Variants in PCDHGA6 observed in about 807,000 individuals in gnomAD.
PCDHGA6 encodes the protein protocadherin gamma subfamily A, 6.
In PCDHGA6, 41 loss-of-function variants were observed where a neutral mutation model predicts 60.6. That is an observed-to-expected ratio of 0.68 (90% confidence interval 0.53 to 0.88). The LOEUF (loss-of-function observed/expected upper bound fraction) is 0.88, where lower values mean the gene tolerates loss of function less well. Ranked by LOEUF, PCDHGA6 falls within the 40% of genes least tolerant of loss-of-function variation. PCDHGA6 has a pLI of 0.00. For synonymous variants in PCDHGA6, 594 were observed against 524.4 expected (o/e 1.13, Z -1.81); for missense variants, 1,312 against 1,203.0 (o/e 1.09, Z -1.34).
intron 1 of PCDHGA6, chr5:141,421,579 T>G (rs753573473): frequency 1.9e-6 from 3 of 1,613,816 alleles, no homozygotes; most frequent in Non-Finnish European, 2.5e-6. Context: ...CTTGAAGATT[T>G]ACGGAGTGGA....
At position 141,498,971 on chromosome 5, in the gene PCDHGA6, G is replaced by GGGAAGGAAGGAA. The variant is rs201769957; in HGVS notation, c.2483+4152_2483+4163dup. On this transcript the variant is annotated intron_variant, in intron 2 of 3. Coordinates refer to ENST00000517434, the MANE Select transcript of PCDHGA6 (RefSeq NM_018919.3). ...AAAAAGAGAGAGAGGGAGGGAGGGA[G>GGGAAGGAAGGAA]GGAAGGAAGGAAGGAAGGAAGGAAG... 6.8e-3 allele frequency among the ~76,000 whole-genome samples: 758 copies of GGGAAGGAAGGAA among 111,036 alleles called. 12 individuals are homozygous for GGGAAGGAAGGAA. Among genetic ancestry groups the GGGAAGGAAGGAA allele is most frequent in the African/African-American group, 0.021 (585 of 27,816 alleles). 72.8% of individuals were successfully genotyped at this position (111,036 alleles called of 152,430 possible). A position where few individuals can be genotyped will look rare whatever the true frequency, so the allele number is the denominator to read the frequency against.
intron 1 of PCDHGA6, among the ~76,000 whole-genome samples, chr5:141,449,298 T>C (rs1197693931): frequency 6.6e-6 from 1 of 152,058 alleles, no homozygotes; most frequent in Non-Finnish European, 1.5e-5. Flanking sequence ...CCGGGTGAAT[T>C]ATATGTATTA....
At chr5:141,435,919 T>C (rs2097786247) in intron 1 of PCDHGA6, among the ~76,000 whole-genome samples, 2 of 152,148 alleles carry the variant, frequency 1.3e-5, no homozygotes, top group South Asian at 4.1e-4. Flanking sequence ...GGCTCTAAAA[T>C]GCGGCAGTTG....
Position 141,405,419 on chromosome 5 carries a change from TTTG to T in PCDHGA6, c.2424+28915_2424+28917del, listed in dbSNP as rs372094745. On this transcript the variant is annotated intron_variant, in intron 1 of 3. Transcript: ENST00000517434. ...CTTTCTTTCTTTTCTTTTTTTGTTT[TTTG>T]TTTTGTTTTGTTTTTGAGACAGAGT... The T allele has an allele frequency of 6.8e-4, 1,019 of 1,509,010 alleles. 10 individuals are homozygous for T. In the African/African-American group the frequency reaches 0.012, roughly 18 times the overall value. The allele number at this position is 1,509,010 out of a possible 1,614,324, so 93.5% of individuals were successfully genotyped here.
Position 141,419,293 on chromosome 5 carries a change from C to A in PCDHGA6, c.2424+42786C>A, listed in dbSNP as rs748856660. 1.5e-5 allele frequency: 25 copies of A among 1,614,026 alleles called. No individual in the cohort carries two copies. The African/African-American group carries it at 3.2e-4, about 21-fold the overall frequency. Reference sequence around the variant, plus strand: ...CCATAGCGCAAGTCAGTGCCTCTGACCCAGACTTCGGGCTCAACGGCCGTG... The same window carrying A: ...CCATAGCGCAAGTCAGTGCCTCTGAACCAGACTTCGGGCTCAACGGCCGTG... On this transcript the variant is annotated intron_variant, in intron 1 of 3. Transcript: ENST00000517434.
In PCDHGA6 at chr5:141,472,879, G is replaced by A. The variant is rs541980402; in HGVS notation, c.2425-21928G>A. Among the ~76,000 whole-genome samples the A allele has an allele frequency of 3.3e-5, 5 of 151,694 alleles. No homozygotes were observed. The South Asian group carries it at 6.2e-4, about 19-fold the overall frequency. ...CACATGCCTGTATTCCCAGCTACTC[G>A]GGAGGCTGAGGCAGGAGAATTGCTT... On this transcript the variant is annotated intron_variant, in intron 1 of 3. Coordinates refer to ENST00000517434, the MANE Select transcript of PCDHGA6 (RefSeq NM_018919.3).
At chr5:141,420,250 A>G (rs757203976) in intron 1 of PCDHGA6, 2 of 1,578,784 alleles carry the variant, frequency 1.3e-6, no homozygotes, top group South Asian at 1.2e-5. Context: ...CCAGCGTTGA[A>G]GCAGATAAGA....
rs768767029 is a variant in PCDHGA6, at chr5:141,477,838, G to A, written c.2425-16969G>A. The A allele has an allele frequency of 6.2e-7, 1 of 1,612,892 alleles. No individual in the cohort carries two copies. The highest frequency in any genetic ancestry group is 1.1e-5 in the South Asian group (1 of 90,982). ...AGGTCCTATATCCTCGGCCAGGTGG[G>A]AGCTCGGTGGAGATGCTGCCTCGAG... On this transcript the variant is annotated intron_variant, in intron 1 of 3. Transcript: ENST00000517434. This position sits in a 1 kb window ranked among gnomAD's most constrained non-coding sequence, Gnocchi z 4.9.
intron 1 of PCDHGA6, among the ~76,000 whole-genome samples, chr5:141,438,606 A>G: frequency 3.6e-5 from 1 of 27,780 alleles, no homozygotes; most frequent in African/African-American, 2.7e-4. Flanking sequence ...ATATATATAT[A>G]TATATATATA....
chr5:141,456,390 T>G (rs1007800936), intron 1 of PCDHGA6, among the ~76,000 whole-genome samples: 2 of 152,114 alleles, frequency 1.3e-5, no homozygotes, highest in African/African-American at 4.8e-5. Context: ...CGTTTGGAGT[T>G]TGATTGCTTC....
chr5:141,504,550 G>A (rs944574179), intron 2 of PCDHGA6, among the ~76,000 whole-genome samples: 2 of 151,586 alleles, frequency 1.3e-5, no homozygotes, highest in Non-Finnish European at 2.9e-5. Context: ...GCAAATGTTG[G>A]GGGACTGGCA....
In PCDHGA6 at chr5:141,375,370, A is replaced by T. The variant is rs772477616; in HGVS notation, c.1287A>T (p.Thr429=). ...CTGTGACAGCCACGGACAAAGGAAC[A>T]CCACCTCTGTCTACAGAAACAATCA... ...NITVTATDKG[T]PPLSTETIIS... is the part of the protein sequence containing the mutation. Residue 429 remains threonine, a synonymous_variant, in exon 1 of 4, where the codon ACA becomes ACT. Transcript: ENST00000517434. The T allele has an allele frequency of 2.5e-6, 4 of 1,613,890 alleles. No individual in the cohort carries two copies. In the South Asian group the frequency reaches 4.4e-5, roughly 18 times the overall value.
chr5:141,505,317 G>A, intron 2 of PCDHGA6, 76 bp from the exon 3 acceptor site: 1 of 1,603,092 alleles, frequency 6.2e-7, no homozygotes, highest in Non-Finnish European at 8.5e-7. Flanking sequence ...AGGTTTGGGA[G>A]CCCTGGGAGA....
intron 1 of PCDHGA6, among the ~76,000 whole-genome samples, chr5:141,445,814 T>C (rs1554133709): frequency 6.6e-6 from 1 of 152,182 alleles, no homozygotes; most frequent in Non-Finnish European, 1.5e-5. Context: ...TAGATGAAAC[T>C]AATAAGGCAG....
chr5:141,418,677 T>A (rs1717013168), intron 1 of PCDHGA6: 1 of 1,613,930 alleles, frequency 6.2e-7, no homozygotes, highest in African/African-American at 1.3e-5. Flanking sequence ...GACGAGGGCA[T>A]CAACTCAGAG....
At chr5:141,399,075 A>C (rs759361503) in intron 1 of PCDHGA6, 1 of 1,613,868 alleles carries the variant, frequency 6.2e-7, no homozygotes, top group Non-Finnish European at 8.5e-7. Flanking sequence ...TGGTTGTAGA[A>C]GGGAGGGATG....
rs374200575 is a variant in PCDHGA6 at position 141,432,105 on chromosome 5, C to G, written c.2424+55598C>G. On this transcript the variant is annotated intron_variant, in intron 1 of 3. Transcript: ENST00000517434. This position sits in a 1 kb window ranked among gnomAD's most constrained non-coding sequence, Gnocchi z 6.0. The stretch of plus-strand genomic sequence containing the variant: ...AACGTGGCAGACACCAACGACAACC[C>G]GCCGGTCTTCCCTCAGGCCTCCTAT... 1.2e-6 allele frequency: 2 copies of G among 1,614,172 alleles called. No individual in the cohort carries two copies. Among genetic ancestry groups the G allele is most frequent in the Non-Finnish European group, 1.7e-6 (2 of 1,180,034 alleles).
chr5:141,478,199 C>T lies in PCDHGA6; in HGVS notation c.2425-16608C>T, dbSNP rs759439765. 3.7e-6 allele frequency: 6 copies of T among 1,614,056 alleles called. No homozygotes were observed. The Middle Eastern group carries it at 6.6e-4, about 178-fold the overall frequency. On this transcript the variant is annotated intron_variant, in intron 1 of 3. Coordinates refer to ENST00000517434, the MANE Select transcript of PCDHGA6 (RefSeq NM_018919.3). ...GAAAAAAAATCTCACCTTTTATCTA[C>T]TTCTTTCTCTAATCCTGGTTTCTGT...
intron 1 of PCDHGA6, among the ~76,000 whole-genome samples, chr5:141,463,124 T>C (rs2099053100): frequency 6.6e-6 from 1 of 152,174 alleles, no homozygotes; most frequent in African/African-American, 2.4e-5. Context: ...AATAGCTCCC[T>C]GGCAGTTCTT....
Sources: allele counts gnomAD v4.1 joint callset (sites outside exome capture counted in the v4.1 genomes callset), GRCh38; gene constraint gnomAD v4.1.1; non-coding constraint Gnocchi (gnomAD v3.1); transcripts MANE v1.5; gene names NCBI Gene and HGNC (gene_info 2026-07-23, HGNC 2026-07-21).